GALNT13: variants seen among roughly 807,000 people sequenced by gnomAD.
GALNT13 encodes the protein UDP-GalNAc:polypeptide N-acetylgalactosaminyltransferase 13.
GALNT13 carries 28 observed loss-of-function variants against 64.2 expected under a neutral mutation model. The observed-to-expected ratio is 0.44, with a 90% CI of 0.32 to 0.60. The LOEUF (loss-of-function observed/expected upper bound fraction) is 0.60, where lower values mean the gene tolerates loss of function less well. Ranked by LOEUF, GALNT13 falls within the 20% of genes least tolerant of loss-of-function variation. The pLI is 0.05. For missense variants in GALNT13, 577 were observed against 669.8 expected (o/e 0.86, Z 1.53); for synonymous variants, 214 against 224.6 (o/e 0.95, Z 0.42).
chr2:154,181,222 G>C (rs1685941298), intron 4 of GALNT13, among the ~76,000 whole-genome samples: 2 of 152,182 alleles, frequency 1.3e-5, no homozygotes, highest in Admixed American at 1.3e-4. Context: ...CATATTGACA[G>C]TAAAGTGTTG....
At chr2:153,912,185 G>T (rs947444897) in intron 2 of GALNT13, among the ~76,000 whole-genome samples, 3 of 151,886 alleles carry the variant, frequency 2.0e-5, no homozygotes, top group Non-Finnish European at 4.4e-5. Flanking sequence ...TACTCAGCTT[G>T]GTCTAATCTG....
the GALNT13 span, among the ~76,000 whole-genome samples, chr2:153,674,451 A>C: frequency 1.3e-5 from 2 of 152,200 alleles, no homozygotes; most frequent in African/African-American, 4.8e-5. Flanking sequence ...GCAATGGAGA[A>C]AGGATTCCCT....
the GALNT13 span, among the ~76,000 whole-genome samples, chr2:153,223,188 G>A: frequency 1.2e-4 from 18 of 152,252 alleles, no homozygotes; most frequent in African/African-American, 4.3e-4. Context: ...CAGAAACTGA[G>A]AGAACTGAAA....
chr2:153,644,389 T>A, the GALNT13 span, among the ~76,000 whole-genome samples: 1 of 152,062 alleles, frequency 6.6e-6, no homozygotes, highest in Non-Finnish European at 1.5e-5. Flanking sequence ...TTCAATTTGA[T>A]TTTGTTGAAA....
chr2:153,883,454 G>A (rs12611893), intron 1 of GALNT13, among the ~76,000 whole-genome samples: 9,481 of 152,070 alleles, frequency 0.062, 466 homozygotes, highest in African/African-American at 0.12. Context: ...CCGTGTCAGG[G>A]TAGAATTAAG....
chr2:154,242,017 T>G lies in GALNT13; in HGVS notation c.312-13T>G. 1.9e-6 allele frequency: 3 copies of G among 1,542,472 alleles called. No individual in the cohort carries two copies. The highest frequency in any genetic ancestry group is 2.6e-6 in the Non-Finnish European group (3 of 1,137,542). On this transcript the variant is annotated splice_polypyrimidine_tract_variant and intron_variant, in intron 4 of 12. Coordinates refer to ENST00000392825, the MANE Select transcript of GALNT13 (RefSeq NM_052917.4). Reference sequence around the variant, plus strand: ...TGCATTTATTAAGATCCCTCTTCTTTTCTCTTTTTCAGATGTAAGACAAAA... The same window carrying G: ...TGCATTTATTAAGATCCCTCTTCTTGTCTCTTTTTCAGATGTAAGACAAAA...
intron 4 of GALNT13, among the ~76,000 whole-genome samples, chr2:154,211,661 G>GA (rs1687781358): frequency 1.9e-5 from 2 of 102,616 alleles, no homozygotes; most frequent in South Asian, 6.3e-4. Context: ...AAAAAGAAAA[G>GA]AAAAGAAAAG....
At chr2:153,765,678 T>C in the GALNT13 span, among the ~76,000 whole-genome samples, 36 of 152,174 alleles carry the variant, frequency 2.4e-4, no homozygotes, top group Middle Eastern at 3.4e-3. Flanking sequence ...AAAAGGGACA[T>C]GAAATGTGGG....
intron 1 of GALNT13, among the ~76,000 whole-genome samples, chr2:153,881,069 T>A (rs1357147533): frequency 6.6e-6 from 1 of 152,186 alleles, no homozygotes; most frequent in Non-Finnish European, 1.5e-5. Flanking sequence ...CTAGGTCATT[T>A]AACAGGTGGA....
intron 8 of GALNT13, among the ~76,000 whole-genome samples, chr2:154,264,062 C>T (rs945905551): frequency 2.6e-5 from 4 of 152,102 alleles, no homozygotes; most frequent in Admixed American, 2.0e-4. Flanking sequence ...ACCAAGCCCG[C>T]TGGAATTTGG....
intron 10 of GALNT13, among the ~76,000 whole-genome samples, chr2:154,401,565 A>G (rs1333143721): frequency 6.6e-6 from 1 of 152,144 alleles, no homozygotes; most frequent in Non-Finnish European, 1.5e-5. Context: ...TCACCTGTGA[A>G]CAAAGTGAGC....
At chr2:154,059,650 A>T (rs1036989192) in intron 3 of GALNT13, among the ~76,000 whole-genome samples, 1 of 152,200 alleles carries the variant, frequency 6.6e-6, no homozygotes, top group Admixed American at 6.5e-5. Context: ...AAAATGATTA[A>T]TTTTTCATAC....
At chr2:154,136,915 A>G (rs1489403553) in intron 3 of GALNT13, among the ~76,000 whole-genome samples, 2 of 151,962 alleles carry the variant, frequency 1.3e-5, no homozygotes, top group Admixed American at 6.6e-5. Context: ...ACATTTGCCT[A>G]TTAGAGTAGA....
At chr2:153,778,831 T>A in the GALNT13 span, among the ~76,000 whole-genome samples, 1 of 152,212 alleles carries the variant, frequency 6.6e-6, no homozygotes, top group African/African-American at 2.4e-5. Context: ...AATGTAACCA[T>A]CACCCAAATA....
chr2:154,088,016 T>C (rs762539413), intron 3 of GALNT13, among the ~76,000 whole-genome samples: 1 of 152,108 alleles, frequency 6.6e-6, no homozygotes, highest in Non-Finnish European at 1.5e-5. Context: ...GCAAATTGCA[T>C]GATATCCTTT....
At chr2:153,770,754 G>A in the GALNT13 span, among the ~76,000 whole-genome samples, 1 of 152,222 alleles carries the variant, frequency 6.6e-6, no homozygotes, top group Non-Finnish European at 1.5e-5. Flanking sequence ...TCTGTGTAAT[G>A]CACAGTAGTC....
At chr2:153,908,615 C>A (rs1399585771) in intron 2 of GALNT13, among the ~76,000 whole-genome samples, 1 of 152,082 alleles carries the variant, frequency 6.6e-6, no homozygotes, top group African/African-American at 2.4e-5. Flanking sequence ...ATATGGCTAG[C>A]CTGTTATCCA....
chr2:154,162,237 A>G (rs1684775182), intron 4 of GALNT13, among the ~76,000 whole-genome samples: 1 of 152,252 alleles, frequency 6.6e-6, no homozygotes, highest in Non-Finnish European at 1.5e-5. Context: ...AGAACCACCA[A>G]CTTGTGTATG....
chr2:153,973,461 G>C (rs1693872951), intron 3 of GALNT13, among the ~76,000 whole-genome samples: 1 of 151,950 alleles, frequency 6.6e-6, no homozygotes. Flanking sequence ...GCAACTCACT[G>C]AAGATTTCTG....
Sources: gnomAD v4.1 joint callset for allele counts (sites outside exome capture counted in the v4.1 genomes callset) on GRCh38, gnomAD v4.1.1 for gene constraint, MANE v1.5 for transcripts, NCBI Gene and HGNC (gene_info 2026-07-23, HGNC 2026-07-21) for gene names.